The following SYNDIG1L variants were observed in gnomAD, a reference collection of about 807,000 sequenced individuals.
SYNDIG1L encodes the protein synapse differentiation inducing 1 like.
A neutral mutation model predicts 20.1 loss-of-function variants in SYNDIG1L; 13 were observed. That is an observed-to-expected ratio of 0.65 (90% CI 0.42 to 1.03). The LOEUF (loss-of-function observed/expected upper bound fraction) is 1.03, where lower values mean the gene tolerates loss of function less well. Ranked by LOEUF, SYNDIG1L falls within the 50% of genes least tolerant of loss-of-function variation. The probability of loss-of-function intolerance (pLI) is 0.00; values close to 1 mark genes in which losing one functional copy is unlikely to be tolerated. For synonymous variants in SYNDIG1L, 128 were observed against 129.3 expected (o/e 0.99, Z 0.07); for missense variants, 294 against 305.1 (o/e 0.96, Z 0.27).
chr14:74,409,888 T>C (rs2086117945), intron 1 of SYNDIG1L, 87 bp from the exon 2 acceptor site: 1 of 1,099,342 alleles, frequency 9.1e-7, no homozygotes, highest in East Asian at 3.2e-5. Flanking sequence ...TCCTGCAGTC[T>C]GACTTGGCTC....
At chr14:74,442,419 A>C in the SYNDIG1L span, among the ~76,000 whole-genome samples, 2 of 152,206 alleles carry the variant, frequency 1.3e-5, no homozygotes, top group Non-Finnish European at 2.9e-5. Context: ...AGCTAACTAG[A>C]TAAAAGGAGA....
At chr14:74,432,352 A>G in the SYNDIG1L span, among the ~76,000 whole-genome samples, 1 of 152,098 alleles carries the variant, frequency 6.6e-6, no homozygotes, top group African/African-American at 2.4e-5. Flanking sequence ...GTTTCACTGA[A>G]GCCTTCATCC....
the SYNDIG1L span, among the ~76,000 whole-genome samples, chr14:74,454,669 C>T: frequency 6.6e-6 from 1 of 152,182 alleles, no homozygotes; most frequent in Non-Finnish European, 1.5e-5. Context: ...AAGATAAATT[C>T]CACCACACTC....
the SYNDIG1L span, among the ~76,000 whole-genome samples, chr14:74,433,966 T>G: frequency 2.0e-5 from 3 of 152,270 alleles, no homozygotes; most frequent in South Asian, 6.2e-4. Flanking sequence ...GTACACAAAT[T>G]TAAATGATAT....
the SYNDIG1L span, among the ~76,000 whole-genome samples, chr14:74,469,413 T>A: frequency 6.6e-6 from 1 of 150,968 alleles, no homozygotes; most frequent in Non-Finnish European, 1.5e-5. Context: ...GAGAAATACC[T>A]AATGTAAATG....
chr14:74,464,055 C>T, the SYNDIG1L span, among the ~76,000 whole-genome samples: 2 of 152,138 alleles, frequency 1.3e-5, no homozygotes, highest in Admixed American at 6.6e-5. Flanking sequence ...GGGGTCTGAC[C>T]GTGGCAACCC....
chr14:74,407,944 T>C lies in SYNDIG1L; in HGVS notation c.463A>G (p.Thr155Ala). 1 of 1,613,748 alleles carries C rather than the reference T, an allele frequency of 6.2e-7. No individual in the cohort carries two copies. Among genetic ancestry groups the C allele is most frequent in the South Asian group, 1.1e-5 (1 of 91,030 alleles). ...CCCAGGTGGTCCCTGGGAGGCAGCG[T>C]GAGGAAGTTGTCTTCACTTTCACTC... is the stretch of plus-strand genomic sequence containing the variant. ...TESESEDNFLTLPPRDHLGLT... is the reference protein window; with the variant it reads ...TESESEDNFLALPPRDHLGLT... The change falls in exon 3 of 4, where the codon ACG becomes GCG. Residue 155 changes from threonine (T) to alanine (A), a missense_variant. Transcript: ENST00000331628.
chr14:74,407,560 T>C lies in SYNDIG1L; in HGVS notation c.692A>G (p.Tyr231Cys). ...CTAGCCATGACCGTTCTGGGACATG[T>C]AAGCTGCCAGAGCCACCACCACAGC... ...YVAVVVALAA[Y>C]MSQNGHG Residue 231 changes from tyrosine (Y) to cysteine (C), a missense_variant, in exon 4 of 4, where the codon TAC becomes TGC. Tyr to Cys is a radical substitution (Grantham distance 194). Transcript: ENST00000331628. The C allele has an allele frequency of 6.2e-7, 1 of 1,613,932 alleles. No individual in the cohort carries two copies. Among genetic ancestry groups the C allele is most frequent in the Non-Finnish European group, 8.5e-7 (1 of 1,179,934 alleles).
At chr14:74,427,515 T>C (rs907699530), upstream of SYNDIG1L, among the ~76,000 whole-genome samples, 3 of 152,310 alleles carry the variant, frequency 2.0e-5, no homozygotes, top group Middle Eastern at 0.01. Flanking sequence ...ATCATGGGGC[T>C]TGGGTCTCCT....
At chr14:74,466,184 G>T in the SYNDIG1L span, among the ~76,000 whole-genome samples, 2 of 152,136 alleles carry the variant, frequency 1.3e-5, no homozygotes, top group African/African-American at 4.8e-5. Flanking sequence ...TGACAGGCAG[G>T]GTGGGGTCTT....
intron 1 of SYNDIG1L, among the ~76,000 whole-genome samples, chr14:74,423,376 C>T (rs990281601): frequency 1.3e-5 from 2 of 152,220 alleles, no homozygotes; most frequent in Admixed American, 6.5e-5. Flanking sequence ...GAAAAGAAAA[C>T]ACCTCACTAG....
upstream of SYNDIG1L, among the ~76,000 whole-genome samples, chr14:74,428,883 G>T (rs1226989728): frequency 6.6e-6 from 1 of 152,150 alleles, no homozygotes; most frequent in African/African-American, 2.4e-5. Context: ...TGGTTGTGGG[G>T]AAGGGAGCAA....
At chr14:74,448,885 A>T in the SYNDIG1L span, among the ~76,000 whole-genome samples, 37 of 152,278 alleles carry the variant, frequency 2.4e-4, 1 homozygote, top group Middle Eastern at 3.4e-3. Flanking sequence ...CCTGGGCAAC[A>T]TAGTGAGACC....
At chr14:74,459,122 T>A in the SYNDIG1L span, among the ~76,000 whole-genome samples, 1 of 152,036 alleles carries the variant, frequency 6.6e-6, no homozygotes, top group Non-Finnish European at 1.5e-5. Flanking sequence ...AGCAGCACTG[T>A]CTCTGTCTCT....
chr14:74,443,629 G>A, the SYNDIG1L span, among the ~76,000 whole-genome samples: 1 of 152,198 alleles, frequency 6.6e-6, no homozygotes, highest in Non-Finnish European at 1.5e-5. Flanking sequence ...TAGAGAAAAT[G>A]ATATGAATTC....
intron 1 of SYNDIG1L, among the ~76,000 whole-genome samples, chr14:74,416,715 A>C (rs945395879): frequency 1.9e-4 from 29 of 152,218 alleles, no homozygotes; most frequent in African/African-American, 6.8e-4. Context: ...CAAATAAGCA[A>C]TGAAACTTAA....
At chr14:74,421,795 G>A (rs1440791331) in intron 1 of SYNDIG1L, among the ~76,000 whole-genome samples, 3 of 152,202 alleles carry the variant, frequency 2.0e-5, no homozygotes, top group Non-Finnish European at 4.4e-5. Context: ...GGAGAAAGCT[G>A]ATGGGGGAAC....
rs1271008032 is a variant in SYNDIG1L, at chr14:74,407,867, G to A, written c.540C>T (p.Ala180=). Residue 180 remains alanine (A), a synonymous_variant, in exon 3 of 4, where the codon GCC becomes GCT. Coordinates refer to ENST00000331628, the MANE Select transcript of SYNDIG1L (RefSeq NM_001105579.2). ...LCCFWPLGIA[A]FYFSQGTSKA... ...CTCTTACCCCCTGGGAGAAGTAGAAGGCAGCAATGCCCAGTGGCCAGAAGC... is the reference window on the plus strand; with the variant it reads ...CTCTTACCCCCTGGGAGAAGTAGAAAGCAGCAATGCCCAGTGGCCAGAAGC... 1 of 1,613,500 alleles carries A rather than the reference G, an allele frequency of 6.2e-7. No homozygotes were observed. Among genetic ancestry groups the A allele is most frequent in the Admixed American group, 1.7e-5 (1 of 59,936 alleles).
intron 2 of SYNDIG1L, among the ~76,000 whole-genome samples, chr14:74,408,538 G>A (rs1005579134): frequency 2.7e-5 from 4 of 150,110 alleles, no homozygotes; most frequent in South Asian, 2.1e-4. Flanking sequence ...CACTCCAGCC[G>A]GGGCGACAGA....
Sources: gnomAD v4.1 joint callset for allele counts (sites outside exome capture counted in the v4.1 genomes callset) on GRCh38, gnomAD v4.1.1 for gene constraint, MANE v1.5 for transcripts, NCBI Gene and HGNC (gene_info 2026-07-23, HGNC 2026-07-21) for gene names.